DAB1: variants seen among roughly 807,000 people sequenced by gnomAD.
The protein encoded by DAB1 is disabled homolog 1.
In DAB1, 15 loss-of-function variants were observed where a neutral mutation model predicts 64.6. That is an observed-to-expected ratio of 0.23 (90% CI 0.16 to 0.36). The LOEUF (loss-of-function observed/expected upper bound fraction) is 0.36, where lower values mean the gene tolerates loss of function less well. Among genes scored for constraint, DAB1 ranks in the 10% least tolerant of loss-of-function variants. The probability of loss-of-function intolerance (pLI) is 1.00; values close to 1 mark genes in which losing one functional copy is unlikely to be tolerated. For missense variants in DAB1, 596 were observed against 706.7 expected (o/e 0.84, Z 1.78); for synonymous variants, 235 against 251.9 (o/e 0.93, Z 0.64).
intron 2 of DAB1, among the ~76,000 whole-genome samples, chr1:57,213,935 C>A (rs197603): frequency 6.6e-6 from 1 of 151,998 alleles, no homozygotes; most frequent in Non-Finnish European, 1.5e-5. Flanking sequence ...GGGTCTTAGA[C>A]ATGAGTCAGA....
intron 1 of DAB1, among the ~76,000 whole-genome samples, chr1:57,831,954 TC>T (rs1652608003): frequency 6.6e-6 from 1 of 152,150 alleles, no homozygotes; most frequent in Non-Finnish European, 1.5e-5. Context: ...ACATGGCTCT[TC>T]CTCATATAAA....
At chr1:58,542,571 A>G (rs1270788173) in intron 1 of DAB1, 1 of 145,114 alleles carries the variant, frequency 6.9e-6, no homozygotes, top group African/African-American at 2.6e-5. Flanking sequence ...CAGATGCAGA[A>G]AGACAAAAAA....
intron 4 of DAB1, among the ~76,000 whole-genome samples, chr1:58,308,893 C>T (rs1361483640): frequency 6.6e-6 from 1 of 152,158 alleles, no homozygotes; most frequent in Admixed American, 6.5e-5. Flanking sequence ...GTCAAATCTC[C>T]AGAGAGAAAG....
intron 7 of DAB1, among the ~76,000 whole-genome samples, chr1:57,470,122 T>C (rs962863803): frequency 4.6e-5 from 7 of 152,186 alleles, no homozygotes; most frequent in Non-Finnish European, 1.0e-4. Context: ...CACTAACTCA[T>C]GAAAGACCTT....
Position 57,915,165 on chromosome 1 carries a change from G to A in DAB1, n.388-31003C>T, listed in dbSNP as rs575778033. Among the ~76,000 whole-genome samples the A allele has an allele frequency of 1.8e-3, 35 of 19,584 alleles. No homozygotes were observed. The South Asian group carries it at 0.028, about 16-fold the overall frequency. The allele number at this position is 19,584 out of a possible 152,430, so 12.8% of individuals were successfully genotyped here. On this transcript the variant is annotated intron_variant and non_coding_transcript_variant, in intron 5 of 20. Transcript: ENST00000485760. Reference sequence around the variant, plus strand: ...AAAAAAGAACTGGAAGGAAATACCCGGAAGGAAAAAAAGAACTGGAAAGAA... The same window carrying A: ...AAAAAAGAACTGGAAGGAAATACCCAGAAGGAAAAAAAGAACTGGAAAGAA...
intron 4 of DAB1, among the ~76,000 whole-genome samples, chr1:58,265,274 C>G (rs1044289117): frequency 6.6e-6 from 1 of 152,224 alleles, no homozygotes; most frequent in Non-Finnish European, 1.5e-5. Context: ...ACCACAGATT[C>G]AATCCCAGAT....
chr1:57,773,503 T>G (rs1351541980), intron 6 of DAB1, among the ~76,000 whole-genome samples: 2 of 152,072 alleles, frequency 1.3e-5, no homozygotes, highest in Non-Finnish European at 2.9e-5. Flanking sequence ...ACAAAAGTTT[T>G]TAATTCTAGT....
In DAB1 at chr1:57,677,030, G is replaced by A. The variant is rs1465214268; in HGVS notation, n.552-27365C>T. On this transcript the variant is annotated intron_variant and non_coding_transcript_variant, in intron 6 of 20. Transcript: ENST00000485760. ...CTGACAAGAAGGTAATTAAGGTTAA[G>A]TGAGGTCATAAGGGTGGGGCACTGA... Among the ~76,000 whole-genome samples the A allele has an allele frequency of 2.0e-5, 3 of 152,308 alleles. No homozygotes were observed. In the South Asian group the frequency reaches 6.2e-4, roughly 32 times the overall value.
chr1:57,639,644 C>T (rs1321064883), intron 7 of DAB1, among the ~76,000 whole-genome samples: 1 of 152,142 alleles, frequency 6.6e-6, no homozygotes, highest in Non-Finnish European at 1.5e-5. Context: ...CAGGTATGCC[C>T]TCTTTCATTC....
At chr1:58,107,368 G>A (rs371417177) in intron 5 of DAB1, among the ~76,000 whole-genome samples, 1 of 151,142 alleles carries the variant, frequency 6.6e-6, no homozygotes, top group Non-Finnish European at 1.5e-5. Flanking sequence ...CTACTCGGGA[G>A]GCTGAAGCAG....
chr1:57,368,527 G>A (rs961615435), intron 1 of DAB1, among the ~76,000 whole-genome samples: 11 of 152,170 alleles, frequency 7.2e-5, no homozygotes, highest in African/African-American at 2.2e-4. Flanking sequence ...CTGCAGAGAG[G>A]AGCTACCCTC....
At chr1:57,261,430 C>A (rs1670175129) in intron 2 of DAB1, among the ~76,000 whole-genome samples, 1 of 152,172 alleles carries the variant, frequency 6.6e-6, no homozygotes, top group Non-Finnish European at 1.5e-5. Flanking sequence ...CCTTACCATT[C>A]TTAATAATTT....
chr1:57,020,669 A>G (rs1646585072), intron 11 of DAB1, among the ~76,000 whole-genome samples: 1 of 152,352 alleles, frequency 6.6e-6, no homozygotes, highest in African/African-American at 2.4e-5. Context: ...GAGTAATCAT[A>G]ATAATACAGC....
At chr1:58,471,917 C>A (rs563910595) in intron 3 of DAB1, among the ~76,000 whole-genome samples, 1 of 152,248 alleles carries the variant, frequency 6.6e-6, no homozygotes, top group East Asian at 1.9e-4. Context: ...AAATTAGTCT[C>A]AGGTATTTAT....
At chr1:57,723,815 T>C (rs1426289229) in intron 6 of DAB1, among the ~76,000 whole-genome samples, 1 of 152,218 alleles carries the variant, frequency 6.6e-6, no homozygotes, top group Non-Finnish European at 1.5e-5. Flanking sequence ...TGTTATTGAT[T>C]GGCCCTTTTT....
At chr1:57,772,340 T>C (rs1471737440) in intron 6 of DAB1, among the ~76,000 whole-genome samples, 2 of 152,178 alleles carry the variant, frequency 1.3e-5, no homozygotes, top group African/African-American at 4.8e-5. Context: ...CCAAGTTCTT[T>C]GCAAAATTGT....
intron 1 of DAB1, among the ~76,000 whole-genome samples, chr1:57,332,416 T>C (rs1676748883): frequency 1.3e-5 from 2 of 152,226 alleles, no homozygotes; most frequent in Admixed American, 6.5e-5. Flanking sequence ...ACAGTGTCTG[T>C]TACCTTTCTA....
intron 5 of DAB1, among the ~76,000 whole-genome samples, chr1:57,912,400 T>C (rs933632387): frequency 2.6e-5 from 4 of 152,186 alleles, no homozygotes; most frequent in African/African-American, 9.7e-5. Flanking sequence ...GAGCCCTTCA[T>C]GCTAAAAACT....
chr1:57,623,543 G>A (rs1483492218), intron 7 of DAB1, among the ~76,000 whole-genome samples: 1 of 152,132 alleles, frequency 6.6e-6, no homozygotes, highest in Non-Finnish European at 1.5e-5. Flanking sequence ...GGAAGCATCA[G>A]CCATACTGTC....
Sources: gnomAD v4.1 joint callset for allele counts (sites outside exome capture counted in the v4.1 genomes callset) on GRCh38, gnomAD v4.1.1 for gene constraint, MANE v1.5 for transcripts, NCBI Gene and HGNC (gene_info 2026-07-23, HGNC 2026-07-21) for gene names.